The following FBXL16 variants were observed in gnomAD, a reference collection of about 807,000 sequenced individuals.
FBXL16 encodes F-box/LRR-repeat protein 16.
Under a neutral mutation model 36.7 loss-of-function variants are expected in FBXL16, and 7 were observed. That is an observed-to-expected ratio of 0.19 (90% CI 0.11 to 0.36). FBXL16 has a LOEUF of 0.36. Among genes scored for constraint, FBXL16 ranks in the 10% least tolerant of loss-of-function variants. The probability of loss-of-function intolerance (pLI) is 1.00; values close to 1 mark genes in which losing one functional copy is unlikely to be tolerated. For synonymous variants in FBXL16, 355 were observed against 308.7 expected (o/e 1.15, Z -1.57); for missense variants, 463 against 659.4 (o/e 0.70, Z 3.26).
At chr16:696,149 C>A in intron 2 of FBXL16, 1 of 552,684 alleles carries the variant, frequency 1.8e-6, no homozygotes, top group Non-Finnish European at 3.1e-6. Flanking sequence ...CAGGCGGCTC[C>A]TCTGACCTCT....
intron 1 of FBXL16, among the ~76,000 whole-genome samples, chr16:702,879 G>A (rs1000175819): frequency 6.6e-6 from 1 of 152,202 alleles, no homozygotes; most frequent in Non-Finnish European, 1.5e-5. Flanking sequence ...GTGGCTGCCC[G>A]TCCTCCACCA....
At chr16:705,375 C>T in intron 1 of FBXL16, 137 bp downstream of exon 1, 1 of 152,160 alleles carries the variant, frequency 6.6e-6, no homozygotes, top group Non-Finnish European at 1.5e-5. Context: ...GGGGAAGGGG[C>T]TGCCGTTACG....
At position 697,882 on chromosome 16, in the gene FBXL16, A is replaced by C. The variant is rs1405481344; in HGVS notation, c.-14-463T>G. On this transcript the variant is annotated intron_variant, in intron 1 of 5. Transcript: ENST00000397621. This position sits in a 1 kb window ranked among gnomAD's most constrained non-coding sequence, Gnocchi z 4.6. ...GGGCATGGTGGCAGGCGCCTGTAGT[A>C]CCAGCTACTTGGGAGGCTGCAGCAG... is the stretch of plus-strand genomic sequence containing the variant. Among the ~76,000 whole-genome samples, 2 of 151,818 alleles carry C rather than the reference A, an allele frequency of 1.3e-5. No homozygotes were observed. The highest frequency in any genetic ancestry group is 4.8e-5 in the African/African-American group (2 of 41,402).
chr16:695,880 G>A lies in FBXL16; in HGVS notation c.677C>T (p.Ser226Leu). The A allele has an allele frequency of 6.3e-7, 1 of 1,599,926 alleles. No individual in the cohort carries two copies. Among genetic ancestry groups the A allele is most frequent in the Non-Finnish European group, 8.5e-7 (1 of 1,170,420 alleles). The stretch of plus-strand genomic sequence containing the variant: ...GGCCTCGGTGAAGTCGTTGCAGCCC[G>A]ACAGCTCCAGACGCACCACGCCCTG... ...QMQGVVRLEL[S>L]GCNDFTEAGL... Residue 226 changes from serine to leucine, a missense_variant, in exon 3 of 6, where the codon TCG (serine) becomes TTG (leucine). Around this residue, in one of 3 missense-constraint regions of FBXL16, gnomAD observed 263 missense variants for 341.1 expected, o/e 0.77. Coordinates refer to ENST00000397621, the MANE Select transcript of FBXL16 (RefSeq NM_153350.4).
At chr16:696,080 C>T in intron 2 of FBXL16, 157 bp from the exon 3 acceptor site, 4 of 1,146,550 alleles carry the variant, frequency 3.5e-6, no homozygotes, top group South Asian at 1.7e-5. Flanking sequence ...AGGGCCTGGC[C>T]AGGGCAGGTG....
intron 4 of FBXL16, 52 bp downstream of exon 4, chr16:694,940 G>A (rs1206867547): frequency 1.4e-6 from 2 of 1,445,722 alleles, no homozygotes; most frequent in Non-Finnish European, 1.9e-6. Context: ...AGCTCTCCCC[G>A]CGCCCCCACC....
In FBXL16 at chr16:692,813, C is replaced by T. The variant is rs1468399375; in HGVS notation, c.*1462G>A. ...GAAACTGGCTCCTGACCACTCAGCC[C>T]TGGAGCTTCCTGGGGCTGGCACTCC... On this transcript the variant is annotated 3_prime_UTR_variant, in exon 6 of 6. Coordinates refer to ENST00000397621, the MANE Select transcript of FBXL16 (RefSeq NM_153350.4). The T allele has an allele frequency of 6.6e-6, 1 of 152,412 alleles. No individual in the cohort carries two copies. The highest frequency in any genetic ancestry group is 1.5e-5 in the Non-Finnish European group (1 of 68,026). 9.4% of individuals were successfully genotyped at this position (152,412 alleles called of 1,614,324 possible).
Position 694,383 on chromosome 16 carries a change from C to T in FBXL16, c.1332G>A (p.Val444=). ...LLTTTGLSGL[V]QLQELEELEL... is the part of the protein sequence containing the mutation. ...CCAGCTCCTCCAGCTCCTGCAGCTG[C>T]ACCAGGCCCGACAGCCCGGTGGTGG... Residue 444 remains valine, a synonymous_variant, in exon 6 of 6, where the codon GTG becomes GTA. Transcript: ENST00000397621. 6.5e-7 allele frequency: 1 copy of T among 1,544,604 alleles called. No individual in the cohort carries two copies. The highest frequency in any genetic ancestry group is 8.7e-7 in the Non-Finnish European group (1 of 1,154,814).
rs965630094 is a variant in FBXL16, at chr16:696,965, G to A, written c.441C>T (p.Tyr147=). 1 of 1,600,756 alleles carries A rather than the reference G, an allele frequency of 6.2e-7. No individual in the cohort carries two copies. Among genetic ancestry groups the A allele is most frequent in the African/African-American group, 1.3e-5 (1 of 74,552 alleles). The change falls in exon 2 of 6, where the codon TAC becomes TAT. Residue 147 remains tyrosine (Y), a synonymous_variant. Coordinates refer to ENST00000397621, the MANE Select transcript of FBXL16 (RefSeq NM_153350.4). ...LTPVLHAKEL[Y]NVLPGGEKEF... is the part of the protein sequence containing the mutation. The stretch of plus-strand genomic sequence containing the variant: ...CCTTCTCGCCACCAGGCAGCACGTT[G>A]TAGAGCTCCTTGGCATGCAGCACCG...
chr16:700,166 T>C (rs1596575259), intron 1 of FBXL16, among the ~76,000 whole-genome samples: 1 of 151,824 alleles, frequency 6.6e-6, no homozygotes. Flanking sequence ...GGGGAGGGGG[T>C]GTAGACCGGA....
rs2040007779 is a variant in FBXL16 at position 695,929 on chromosome 16, GGCGGGC to G, written c.634-12_634-7del. 1 of 1,569,082 alleles carries G rather than the reference GGCGGGC, an allele frequency of 6.4e-7. No homozygotes were observed. The highest frequency in any genetic ancestry group is 8.7e-7 in the Non-Finnish European group (1 of 1,152,706). On this transcript the variant is annotated splice_polypyrimidine_tract_variant and splice_region_variant and intron_variant, in intron 2 of 5. Transcript: ENST00000397621. ...TGCATCTGTTCAAGCATAACCTGCA[GGCGGGC>G]GGGCGCCGGGTCAGGATTGCAGGAG...
chr16:702,437 GGT>G (rs2040064439), intron 1 of FBXL16, among the ~76,000 whole-genome samples: 1 of 152,186 alleles, frequency 6.6e-6, no homozygotes, highest in African/African-American at 2.4e-5. Flanking sequence ...CTGTCCACCT[GGT>G]GTCTCTCCTC....
At chr16:700,531 A>C (rs1330305003) in intron 1 of FBXL16, among the ~76,000 whole-genome samples, 1 of 152,148 alleles carries the variant, frequency 6.6e-6, no homozygotes, top group African/African-American at 2.4e-5. Flanking sequence ...CGAGGCTCTG[A>C]GGAGCGAATT....
intron 1 of FBXL16, among the ~76,000 whole-genome samples, chr16:700,144 C>T (rs1487395619): frequency 3.3e-5 from 5 of 152,230 alleles, no homozygotes; most frequent in Middle Eastern, 3.2e-3. Context: ...GCCTTGCCAC[C>T]GGTCCACATC....
intron 1 of FBXL16, among the ~76,000 whole-genome samples, chr16:702,027 C>T (rs761397839): frequency 2.6e-5 from 4 of 152,142 alleles, no homozygotes; most frequent in African/African-American, 4.8e-5. Context: ...AGCGTGTGGC[C>T]AGAGTGAGCC....
chr16:695,813 G>A lies in FBXL16; in HGVS notation c.744C>T (p.Ser248=), dbSNP rs1397433452. ...SSLSARITSL[S]VSDCINVADD... is the part of the protein sequence containing the mutation. The stretch of plus-strand genomic sequence containing the variant: ...CGGCCACGTTGATGCAGTCACTCAC[G>A]CTCAGCGAGGTGATGCGCGCGCTCA... Residue 248 remains serine (S), a synonymous_variant, in exon 3 of 6, where the codon AGC becomes AGT. Coordinates refer to ENST00000397621, the MANE Select transcript of FBXL16 (RefSeq NM_153350.4). 2.0e-5 allele frequency: 32 copies of A among 1,608,300 alleles called. No individual in the cohort carries two copies. Among genetic ancestry groups the A allele is most frequent in the African/African-American group, 4.0e-5 (3 of 74,904 alleles).
At chr16:705,147 G>T (rs2040082616) in intron 1 of FBXL16, among the ~76,000 whole-genome samples, 2 of 152,208 alleles carry the variant, frequency 1.3e-5, no homozygotes, top group Admixed American at 6.5e-5. Context: ...ACGGTCTCTG[G>T]CCTGTCACTT....
rs1337200054 is a variant in FBXL16 at position 692,518 on chromosome 16, A to C, written c.*1757T>G. 1 of 152,372 alleles carries C rather than the reference A, an allele frequency of 6.6e-6. No homozygotes were observed. The highest frequency in any genetic ancestry group is 1.5e-5 in the Non-Finnish European group (1 of 68,038). 9.4% of individuals were successfully genotyped at this position (152,372 alleles called of 1,614,324 possible). ...AGACACATGTTTTTACAACTTTTTT[A>C]ATATATATTTTTATAAACAGGTCAC... On this transcript the variant is annotated 3_prime_UTR_variant, in exon 6 of 6. Transcript: ENST00000397621.
chr16:694,763 C>A, intron 4 of FBXL16, 66 bp from the exon 5 acceptor site: 1 of 1,502,238 alleles, frequency 6.7e-7, no homozygotes, highest in Admixed American at 1.9e-5. Flanking sequence ...ACCCTGGGGT[C>A]CATGGAGGGC....
Sources: gnomAD v4.1 joint callset for allele counts (sites outside exome capture counted in the v4.1 genomes callset) on GRCh38, gnomAD v4.1.1 for gene constraint, gnomAD v4.1.1 regional missense constraint, Gnocchi (gnomAD v3.1) non-coding constraint, MANE v1.5 for transcripts, NCBI Gene and HGNC (gene_info 2026-07-23, HGNC 2026-07-21) for gene names.